GTF2E1: variants seen among roughly 807,000 people sequenced by gnomAD.
GTF2E1 encodes the protein general transcription factor IIE subunit 1.
In GTF2E1, 14 loss-of-function variants were observed where a neutral mutation model predicts 34.9. The observed-to-expected ratio is 0.40, with a 90% confidence interval of 0.27 to 0.63. GTF2E1 has a LOEUF of 0.63. GTF2E1 is among the 20% of genes least tolerant of loss of function. The pLI is 0.39. For missense variants in GTF2E1, 469 were observed against 557.7 expected, an observed-to-expected ratio of 0.84 and a Z score of 1.60; for synonymous variants, 188 against 192.9, an observed-to-expected ratio of 0.97 and a Z score of 0.21.
chr3:120,744,048 C>G (rs968155457), intron 1 of GTF2E1, among the ~76,000 whole-genome samples: 1 of 152,164 alleles, frequency 6.6e-6, no homozygotes, highest in Non-Finnish European at 1.5e-5. Flanking sequence ...CAGCCATACT[C>G]CTTCCCTAAT....
At chr3:120,778,836 C>T (rs1447008716) in intron 4 of GTF2E1, among the ~76,000 whole-genome samples, 1 of 152,130 alleles carries the variant, frequency 6.6e-6, no homozygotes. Flanking sequence ...TCATATCTTT[C>T]AGTATATTTT....
chr3:120,765,661 C>T (rs942682536), intron 2 of GTF2E1, among the ~76,000 whole-genome samples: 13 of 152,166 alleles, frequency 8.5e-5, no homozygotes, highest in African/African-American at 7.2e-5. Flanking sequence ...GTAAACTTAA[C>T]GCCTCTTAAG....
chr3:120,756,289 A>G (rs1274037015), intron 2 of GTF2E1, among the ~76,000 whole-genome samples: 1 of 152,048 alleles, frequency 6.6e-6, no homozygotes, highest in African/African-American at 2.4e-5. Context: ...CCAGGACAGG[A>G]GGTATCTTAT....
intron 2 of GTF2E1, among the ~76,000 whole-genome samples, chr3:120,758,503 T>C (rs1210748324): frequency 1.3e-5 from 2 of 152,190 alleles, no homozygotes; most frequent in Non-Finnish European, 2.9e-5. Context: ...ACATGTGCCA[T>C]GTTGGTTTGC....
At chr3:120,778,196 A>G (rs1358685174) in intron 4 of GTF2E1, among the ~76,000 whole-genome samples, 1 of 152,256 alleles carries the variant, frequency 6.6e-6, no homozygotes, top group Non-Finnish European at 1.5e-5. Flanking sequence ...AACCAACATT[A>G]TATATTAAGC....
intron 2 of GTF2E1, among the ~76,000 whole-genome samples, chr3:120,763,666 A>G (rs564026115): frequency 6.6e-6 from 1 of 152,242 alleles, no homozygotes; most frequent in East Asian, 1.9e-4. Context: ...AAGGGGAGTA[A>G]AAAACTTGGA....
chr3:120,749,982 C>T (rs1193079983), intron 1 of GTF2E1: 3 of 152,368 alleles, frequency 2.0e-5, no homozygotes, highest in African/African-American at 7.2e-5. Context: ...CTAAGTATTA[C>T]TTTCTTTCAG....
chr3:120,764,993 T>G (rs1015877082), intron 2 of GTF2E1, among the ~76,000 whole-genome samples: 2 of 137,958 alleles, frequency 1.4e-5, no homozygotes, highest in Admixed American at 1.4e-4. Context: ...GCATTACTGT[T>G]TTTTTTTTTA....
intron 1 of GTF2E1, among the ~76,000 whole-genome samples, chr3:120,744,518 T>G (rs1317374456): frequency 6.6e-6 from 1 of 152,242 alleles, no homozygotes; most frequent in East Asian, 1.9e-4. Context: ...TTCCTGCTCC[T>G]CGTCAGGGGT....
chr3:120,770,203 G>C (rs1472453681), intron 2 of GTF2E1, among the ~76,000 whole-genome samples: 1 of 152,118 alleles, frequency 6.6e-6, no homozygotes, highest in East Asian at 1.9e-4. Flanking sequence ...AGACTGTTAA[G>C]TAATGTTTAA....
chr3:120,777,461 A>G (rs1709411200), intron 4 of GTF2E1, among the ~76,000 whole-genome samples: 1 of 152,170 alleles, frequency 6.6e-6, no homozygotes, highest in Non-Finnish European at 1.5e-5. Flanking sequence ...CTAACATATC[A>G]CGTGAGTTTG....
chr3:120,768,778 C>T (rs1709328881), intron 2 of GTF2E1, among the ~76,000 whole-genome samples: 1 of 152,192 alleles, frequency 6.6e-6, no homozygotes, highest in East Asian at 1.9e-4. Flanking sequence ...GCTGAGACAG[C>T]TTGGAACAGT....
At chr3:120,752,248 C>T (rs74800432) in intron 2 of GTF2E1, among the ~76,000 whole-genome samples, 34,779 of 152,060 alleles carry the variant, frequency 0.23, 4,707 homozygotes, top group Non-Finnish European at 0.3. Context: ...CTTAACCATC[C>T]TCGGTATGAG....
chr3:120,771,761 C>T (rs1709353391), intron 3 of GTF2E1, among the ~76,000 whole-genome samples: 1 of 152,068 alleles, frequency 6.6e-6, no homozygotes. Context: ...TTAGATGGTT[C>T]AAAGCAATCC....
At chr3:120,763,987 C>T (rs1709286438) in intron 2 of GTF2E1, among the ~76,000 whole-genome samples, 1 of 152,218 alleles carries the variant, frequency 6.6e-6, no homozygotes, top group South Asian at 2.1e-4. Context: ...ATGTTCACAG[C>T]AGCCACCTTA....
At chr3:120,771,645 C>G (rs1448941153) in intron 3 of GTF2E1, among the ~76,000 whole-genome samples, 1 of 152,078 alleles carries the variant, frequency 6.6e-6, no homozygotes, top group Non-Finnish European at 1.5e-5. Context: ...CCAAAGAGCT[C>G]AACAATCAGG....
intron 2 of GTF2E1, among the ~76,000 whole-genome samples, chr3:120,767,776 T>C (rs1709321418): frequency 6.6e-6 from 1 of 152,206 alleles, no homozygotes; most frequent in Non-Finnish European, 1.5e-5. Flanking sequence ...AGCCCTTCTG[T>C]AAGTAACTCC....
chr3:120,752,437 C>T (rs1709171696), intron 2 of GTF2E1, among the ~76,000 whole-genome samples: 1 of 152,286 alleles, frequency 6.6e-6, no homozygotes, highest in South Asian at 2.1e-4. Context: ...CTTCATCACT[C>T]TTGACCACAG....
At chr3:120,756,325 G>A (rs975007647) in intron 2 of GTF2E1, among the ~76,000 whole-genome samples, 1 of 152,058 alleles carries the variant, frequency 6.6e-6, no homozygotes, top group African/African-American at 2.4e-5. Flanking sequence ...TTCCTGAAGT[G>A]CTAAAAACAC....
Sources: allele counts gnomAD v4.1 joint callset (sites outside exome capture counted in the v4.1 genomes callset), GRCh38; gene constraint gnomAD v4.1.1; transcripts MANE v1.5; gene names NCBI Gene and HGNC (gene_info 2026-07-23, HGNC 2026-07-21).